The following PI4KA variants were observed in gnomAD, a reference collection of about 807,000 sequenced individuals.
The protein encoded by PI4KA is phosphatidylinositol 4-kinase alpha.
Under a neutral mutation model 271.4 loss-of-function variants are expected in PI4KA, and 122 were observed. The observed-to-expected ratio is 0.45, with a 90% CI of 0.39 to 0.52. The LOEUF (loss-of-function observed/expected upper bound fraction) is 0.52. Among genes scored for constraint, PI4KA ranks in the 20% least tolerant of loss-of-function variants. The pLI, the probability that PI4KA is intolerant of heterozygous loss-of-function variation, is 0.00. For missense variants in PI4KA, 1,969 were observed against 2,769.1 expected, an observed-to-expected ratio of 0.71 and a Z score of 6.48; for synonymous variants, 1,041 against 1,078.8, an observed-to-expected ratio of 0.96 and a Z score of 0.69.
chr22:20,829,930 G>T (rs1358562809), intron 3 of PI4KA, among the ~76,000 whole-genome samples: 2 of 152,068 alleles, frequency 1.3e-5, no homozygotes, highest in Non-Finnish European at 2.9e-5. Context: ...TCAGGAGCAG[G>T]TTATTTAATT....
intron 19 of PI4KA, among the ~76,000 whole-genome samples, chr22:20,766,653 G>A (rs1197095658): frequency 1.3e-5 from 2 of 152,128 alleles, no homozygotes; most frequent in African/African-American, 2.4e-5. Context: ...CAACAAGGGC[G>A]AAACTCCATC....
chr22:20,848,528 C>T (rs1470557817), intron 1 of PI4KA, among the ~76,000 whole-genome samples: 1 of 152,064 alleles, frequency 6.6e-6, no homozygotes, highest in African/African-American at 2.4e-5. Flanking sequence ...CCAAATAAAC[C>T]CTCACACTTA....
intron 7 of PI4KA, among the ~76,000 whole-genome samples, chr22:20,814,785 T>G (rs1921548502): frequency 6.6e-6 from 1 of 151,174 alleles, no homozygotes; most frequent in African/African-American, 2.4e-5. Flanking sequence ...TTATGTTATG[T>G]GTATTTTACC....
intron 42 of PI4KA, chr22:20,721,693 C>T: frequency 2.7e-6 from 1 of 375,292 alleles, no homozygotes; most frequent in Non-Finnish European, 5.0e-6. Flanking sequence ...GTTTAAGAAG[C>T]ACAACTCTCA....
intron 1 of PI4KA, among the ~76,000 whole-genome samples, chr22:20,848,553 T>C (rs2079866402): frequency 6.6e-6 from 1 of 152,184 alleles, no homozygotes; most frequent in South Asian, 2.1e-4. Flanking sequence ...CAACTGATTT[T>C]TGACAAGGGT....
At chr22:20,788,284 T>G (rs1400346280) in intron 19 of PI4KA, among the ~76,000 whole-genome samples, 2 of 152,150 alleles carry the variant, frequency 1.3e-5, no homozygotes, top group African/African-American at 4.8e-5. Flanking sequence ...TTGGCTGGAC[T>G]CCAGGGACCA....
rs1935506403 is a variant in PI4KA at position 20,804,221 on chromosome 22, C to T, written c.1461+79G>A. On this transcript the variant is annotated intron_variant, in intron 12 of 54. Transcript: ENST00000255882. ...GTCTCCGCTGCTGGTGTGCCCACCA[C>T]AGCCTGAACAGCAACAGCGTGACAA... 2.6e-5 allele frequency: 25 copies of T among 971,966 alleles called. No homozygotes were observed. In the South Asian group the frequency reaches 3.1e-4, roughly 12 times the overall value. The allele number at this position is 971,966 out of a possible 1,614,324, so 60.2% of individuals were successfully genotyped here.
rs1935509641 is a variant in PI4KA, at chr22:20,804,289, G to A, written c.1461+11C>T. The A allele has an allele frequency of 2.5e-6, 4 of 1,595,426 alleles. No individual in the cohort carries two copies. The East Asian group carries it at 8.9e-5, about 36-fold the overall frequency. On this transcript the variant is annotated intron_variant, in intron 12 of 54. Transcript: ENST00000255882. ...TGGGATCTGAGCCTCTCTGGGTTCA[G>A]GGAGACTGACCTGCAGACAGCAGAT...
chr22:20,758,098 G>C (rs923462838), intron 23 of PI4KA, among the ~76,000 whole-genome samples: 2 of 151,992 alleles, frequency 1.3e-5, no homozygotes, highest in African/African-American at 4.8e-5. Context: ...GGGCGCAGTG[G>C]CTCATGCCTG....
At chr22:20,805,571 G>A (rs908525315) in intron 10 of PI4KA, among the ~76,000 whole-genome samples, 7 of 152,008 alleles carry the variant, frequency 4.6e-5, no homozygotes, top group Admixed American at 2.0e-4. Context: ...GGTGGCTCAC[G>A]CCTGTAATCT....
chr22:20,744,843 A>T, intron 29 of PI4KA, 123 bp from the exon 30 acceptor site: 2 of 625,720 alleles, frequency 3.2e-6, no homozygotes, highest in South Asian at 5.5e-5. Flanking sequence ...ATTAATAAAA[A>T]TCTTCACTGC....
At chr22:20,712,016 T>C (rs1311934174) in intron 50 of PI4KA, among the ~76,000 whole-genome samples, 1 of 151,880 alleles carries the variant, frequency 6.6e-6, no homozygotes, top group Non-Finnish European at 1.5e-5. Context: ...GTGCTGGCAT[T>C]ACAGGCGTGA....
intron 1 of PI4KA, among the ~76,000 whole-genome samples, chr22:20,850,107 G>A (rs558202523): frequency 6.6e-6 from 1 of 152,156 alleles, no homozygotes; most frequent in East Asian, 1.9e-4. Context: ...ATTTTAAATG[G>A]GTAAATTTTG....
At chr22:20,779,806 T>C (rs367748211) in intron 19 of PI4KA, 2 of 1,614,120 alleles carry the variant, frequency 1.2e-6, no homozygotes, top group African/African-American at 1.3e-5. Flanking sequence ...ATGGGTATGA[T>C]TTCCTTAGGT....
intron 19 of PI4KA, among the ~76,000 whole-genome samples, chr22:20,782,806 G>A (rs1019415500): frequency 7.9e-5 from 12 of 152,116 alleles, no homozygotes; most frequent in African/African-American, 2.9e-4. Context: ...CTATTATGTG[G>A]CCCAAATGTC....
intron 18 of PI4KA, among the ~76,000 whole-genome samples, chr22:20,795,228 C>T (rs1181044932): frequency 6.6e-6 from 1 of 151,790 alleles, no homozygotes; most frequent in East Asian, 1.9e-4. Flanking sequence ...AAACACGCCT[C>T]AGTACCAAGT....
chr22:20,744,781 A>G, intron 29 of PI4KA, 61 bp from the exon 30 acceptor site: 2 of 1,383,874 alleles, frequency 1.4e-6, no homozygotes, highest in Non-Finnish European at 2.1e-6. Flanking sequence ...CGTGTTTACC[A>G]TGGCTAAGCC....
Position 20,780,307 on chromosome 22 carries a change from A to G in PI4KA, c.2328+12886T>C. ...GTACTGTAGCTATAATTTATCCAGG[A>G]AAACTAGACACAAGATTGACTCTGG... On this transcript the variant is annotated intron_variant, in intron 19 of 54. Transcript: ENST00000255882. The G allele has an allele frequency of 2.6e-6, 4 of 1,533,290 alleles. 1 individual carries two copies. The South Asian group carries it at 4.5e-5, about 17-fold the overall frequency. The allele number at this position is 1,533,290 out of a possible 1,614,324, so 95.0% of individuals were successfully genotyped here.
chr22:20,786,230 AC>A lies in PI4KA; in HGVS notation c.2328+6962del, dbSNP rs1308263691. On this transcript the variant is annotated intron_variant, in intron 19 of 54. Coordinates refer to ENST00000255882, the MANE Select transcript of PI4KA (RefSeq NM_058004.4). ...CCACCTCCACTTGCCCTTCCTACCC[AC>A]CCCCCAATCTCATGTCCCAGCTTGG... 5.5e-6 allele frequency: 8 copies of A among 1,454,310 alleles called. No individual in the cohort carries two copies. In the African/African-American group the frequency reaches 7.0e-5, roughly 13 times the overall value. The allele number at this position is 1,454,310 out of a possible 1,614,324, so 90.1% of individuals were successfully genotyped here.
Sources: gnomAD v4.1 joint callset for allele counts (sites outside exome capture counted in the v4.1 genomes callset) on GRCh38, gnomAD v4.1.1 for gene constraint, MANE v1.5 for transcripts, NCBI Gene and HGNC (gene_info 2026-07-23, HGNC 2026-07-21) for gene names.